The following CLYBL variants were observed in gnomAD, a reference collection of about 807,000 sequenced individuals.
CLYBL encodes the protein citramalyl-CoA lyase, mitochondrial.
In CLYBL, 31 loss-of-function variants were observed where a neutral mutation model predicts 38.9. That is an observed-to-expected ratio of 0.80 (90% CI 0.60 to 1.08). The LOEUF (loss-of-function observed/expected upper bound fraction) is 1.08. CLYBL is among the 50% of genes least tolerant of loss of function. CLYBL has a pLI of 0.00. For missense variants in CLYBL, 434 were observed against 411.6 expected (o/e 1.05, Z -0.47); for synonymous variants, 171 against 158.6 (o/e 1.08, Z -0.59).
rs1289042754 is a variant in CLYBL, at chr13:99,765,896, G to A, written c.63-6928G>A. Among the ~76,000 whole-genome samples the A allele has an allele frequency of 5.4e-5, 8 of 149,340 alleles. No individual in the cohort carries two copies. In the South Asian group the frequency reaches 1.7e-3, roughly 32 times the overall value. On this transcript the variant is annotated intron_variant, in intron 1 of 8. Coordinates refer to ENST00000339105, the MANE Select transcript of CLYBL (RefSeq NM_206808.5). ...AGACAGGTTCTCATTCTGTCCCCTG[G>A]GCTAGAGTGCAGTGGTGTGATCAAA...
chr13:99,715,019 G>C (rs2048290988), intron 1 of CLYBL, among the ~76,000 whole-genome samples: 6 of 152,162 alleles, frequency 3.9e-5, no homozygotes, highest in Admixed American at 3.9e-4. Flanking sequence ...GTATGGAACT[G>C]ATGGGCCTCA....
At chr13:99,820,456 C>CT (rs1318846757) in intron 2 of CLYBL, among the ~76,000 whole-genome samples, 1 of 152,124 alleles carries the variant, frequency 6.6e-6, no homozygotes, top group Non-Finnish European at 1.5e-5. Context: ...TCCATATACT[C>CT]TGTTTGCCTA....
At chr13:99,773,368 A>G (rs2049440975) in intron 2 of CLYBL, among the ~76,000 whole-genome samples, 1 of 152,216 alleles carries the variant, frequency 6.6e-6, no homozygotes, top group African/African-American at 2.4e-5. Flanking sequence ...GCCACAATAC[A>G]GGCCTGTTAG....
intron 7 of CLYBL, among the ~76,000 whole-genome samples, chr13:99,872,969 C>T (rs1014573341): frequency 6.6e-6 from 1 of 151,738 alleles, no homozygotes; most frequent in Admixed American, 6.6e-5. Flanking sequence ...ATAAGAAATG[C>T]CCTCTCGTTG....
chr13:99,656,318 T>C (rs1016341057), intron 1 of CLYBL, among the ~76,000 whole-genome samples: 15 of 152,052 alleles, frequency 9.9e-5, no homozygotes, highest in Non-Finnish European at 2.2e-4. Flanking sequence ...ACTCACACAT[T>C]GGTGTTCAGT....
intron 1 of CLYBL, among the ~76,000 whole-genome samples, chr13:99,738,340 A>T (rs2048699306): frequency 6.6e-6 from 1 of 152,216 alleles, no homozygotes; most frequent in South Asian, 2.1e-4. Context: ...TGTCATCTCG[A>T]GTAAGCTGTA....
chr13:99,649,393 G>T (rs527949840), intron 1 of CLYBL, among the ~76,000 whole-genome samples: 19 of 152,292 alleles, frequency 1.2e-4, no homozygotes, highest in African/African-American at 4.6e-4. Context: ...GTGCAGTTCT[G>T]TGAGGAATAG....
At chr13:99,830,789 A>C (rs2806292) in intron 2 of CLYBL, among the ~76,000 whole-genome samples, 87,486 of 152,090 alleles carry the variant, frequency 0.58, 25,386 homozygotes, top group African/African-American at 0.62. Flanking sequence ...TCCATTGTTC[A>C]TGGAATATGC....
chr13:99,841,038 G>A (rs551422041), intron 2 of CLYBL, among the ~76,000 whole-genome samples: 32 of 152,262 alleles, frequency 2.1e-4, no homozygotes, highest in Non-Finnish European at 3.5e-4. Context: ...ACTGCAATGA[G>A]TAAAGGACCA....
chr13:99,786,625 G>A (rs893288533), intron 2 of CLYBL, among the ~76,000 whole-genome samples: 1 of 152,150 alleles, frequency 6.6e-6, no homozygotes, highest in African/African-American at 2.4e-5. Flanking sequence ...ATTTGGGTTG[G>A]TTCCAAGTCT....
chr13:99,638,547 C>CCCAACAGT (rs1259614174), intron 1 of CLYBL, among the ~76,000 whole-genome samples: 1 of 152,204 alleles, frequency 6.6e-6, no homozygotes, highest in Non-Finnish European at 1.5e-5. Flanking sequence ...ACAGTATCTG[C>CCCAACAGT]CCAACAGTCC....
intron 1 of CLYBL, among the ~76,000 whole-genome samples, chr13:99,631,897 G>A (rs1211577344): frequency 6.6e-6 from 1 of 152,154 alleles, no homozygotes; most frequent in East Asian, 1.9e-4. Context: ...CACCGCACCT[G>A]GCCACACACA....
intron 2 of CLYBL, among the ~76,000 whole-genome samples, chr13:99,804,100 C>A (rs375770993): frequency 1.3e-5 from 2 of 152,194 alleles, no homozygotes; most frequent in African/African-American, 2.4e-5. Flanking sequence ...TGAGGACAGA[C>A]CCCATCAACA....
At chr13:99,813,684 C>G (rs996452602) in intron 2 of CLYBL, among the ~76,000 whole-genome samples, 8 of 152,192 alleles carry the variant, frequency 5.3e-5, no homozygotes, top group African/African-American at 1.9e-4. Context: ...GCTTGTCACA[C>G]AGAGTGGATA....
intron 2 of CLYBL, among the ~76,000 whole-genome samples, chr13:99,803,946 A>G (rs2050181980): frequency 6.6e-6 from 1 of 152,062 alleles, no homozygotes; most frequent in Non-Finnish European, 1.5e-5. Context: ...GCTGGAGTGC[A>G]GGTCTCGTAG....
chr13:99,742,632 A>G (rs2048775480), intron 1 of CLYBL, among the ~76,000 whole-genome samples: 1 of 152,244 alleles, frequency 6.6e-6, no homozygotes, highest in South Asian at 2.1e-4. Context: ...TCTATGCCCA[A>G]ACTTTTAAAA....
At chr13:99,682,526 A>T (rs2047751439) in intron 1 of CLYBL, among the ~76,000 whole-genome samples, 1 of 152,008 alleles carries the variant, frequency 6.6e-6, no homozygotes, top group Non-Finnish European at 1.5e-5. Context: ...AAAATGGAAC[A>T]CTCACAGAAG....
intron 2 of CLYBL, among the ~76,000 whole-genome samples, chr13:99,847,039 A>G (rs533231211): frequency 3.9e-5 from 6 of 152,340 alleles, no homozygotes; most frequent in East Asian, 3.9e-4. Flanking sequence ...ATCGGCTTCC[A>G]GTAATGTGTA....
chr13:99,772,854 AC>A lies in CLYBL; in HGVS notation c.94del (p.Gly33AspfsTer27), dbSNP rs2049426048. On this transcript the variant is annotated frameshift_variant, in exon 2 of 9. Coordinates refer to ENST00000339105, the MANE Select transcript of CLYBL (RefSeq NM_206808.5). LOFTEE classifies it high-confidence loss of function. ...KASLAADIPRLGYSSSSHHKY... is the reference protein window; with the variant it reads ...KASLAADIPRXGYSSSSHHKY... ...CGTCTCTAGCAGCTGATATCCCCAG[AC>A]TTGGATATAGTTCCTCATCCCATCA... 1 of 1,609,150 alleles carries A rather than the reference AC, an allele frequency of 6.2e-7. No individual in the cohort carries two copies. The highest frequency in any genetic ancestry group is 1.3e-5 in the African/African-American group (1 of 74,624).
Sources: gnomAD v4.1 joint callset for allele counts (sites outside exome capture counted in the v4.1 genomes callset) on GRCh38, gnomAD v4.1.1 for gene constraint, MANE v1.5 for transcripts, NCBI Gene and HGNC (gene_info 2026-07-23, HGNC 2026-07-21) for gene names.